RANBP2: variants seen among roughly 807,000 people sequenced by gnomAD.
The protein encoded by RANBP2 is E3 SUMO-protein ligase RanBP2.
Under a neutral mutation model 303.6 loss-of-function variants are expected in RANBP2, and 57 were observed. The observed-to-expected ratio is 0.19, with a 90% CI of 0.15 to 0.23. RANBP2 has a LOEUF of 0.23. Ranked by LOEUF, RANBP2 falls within the 10% of genes least tolerant of loss-of-function variation. The pLI, the probability that RANBP2 is intolerant of heterozygous loss-of-function variation, is 1.00. For missense variants in RANBP2, 3,138 were observed against 3,780.8 expected (o/e 0.83, Z 4.46); for synonymous variants, 1,167 against 1,301.5 (o/e 0.90, Z 2.23).
the RANBP2 span, chr2:109,502,028 C>T: frequency 5.3e-5 from 12 of 224,962 alleles, no homozygotes; most frequent in East Asian, 1.1e-3. Flanking sequence ...TTGGAGGTTG[C>T]AGGAGGTCTG....
the RANBP2 span, among the ~76,000 whole-genome samples, chr2:109,270,886 G>A: frequency 3.3e-5 from 5 of 152,198 alleles, no homozygotes; most frequent in Admixed American, 6.5e-5. Flanking sequence ...AGCCTGTACC[G>A]ACACTGCCTG....
At chr2:108,831,375 A>G in the RANBP2 span, among the ~76,000 whole-genome samples, 1 of 152,226 alleles carries the variant, frequency 6.6e-6, no homozygotes, top group Non-Finnish European at 1.5e-5. Flanking sequence ...TTAGTAGGAC[A>G]AAATATGCCA....
At chr2:109,588,361 C>A in the RANBP2 span, among the ~76,000 whole-genome samples, 1 of 151,614 alleles carries the variant, frequency 6.6e-6, no homozygotes, top group African/African-American at 2.4e-5. Flanking sequence ...CTTGAAAATA[C>A]AAATGTTTAA....
chr2:109,416,574 G>T, the RANBP2 span, among the ~76,000 whole-genome samples: 1 of 151,626 alleles, frequency 6.6e-6, no homozygotes, highest in Non-Finnish European at 1.5e-5. Flanking sequence ...TAGTAGAGAC[G>T]GGGTTTCACC....
chr2:108,907,302 T>A, the RANBP2 span, among the ~76,000 whole-genome samples: 54 of 152,340 alleles, frequency 3.5e-4, no homozygotes, highest in Admixed American at 1.4e-3. Flanking sequence ...TGATTTTACC[T>A]TTTTTCTCCT....
the RANBP2 span, among the ~76,000 whole-genome samples, chr2:109,698,256 A>C: frequency 3.3e-5 from 5 of 151,636 alleles, no homozygotes; most frequent in Non-Finnish European, 7.4e-5. Context: ...GTATTTGTTC[A>C]TTTTAGACAC....
At chr2:109,225,608 G>A in the RANBP2 span, among the ~76,000 whole-genome samples, 1 of 152,206 alleles carries the variant, frequency 6.6e-6, no homozygotes, top group Non-Finnish European at 1.5e-5. Flanking sequence ...CTTCCCATTT[G>A]CAATGTCTTA....
the RANBP2 span, among the ~76,000 whole-genome samples, chr2:109,640,629 C>A: frequency 6.6e-6 from 1 of 152,172 alleles, no homozygotes; most frequent in African/African-American, 2.4e-5. Flanking sequence ...GGGACTGCAG[C>A]ACAGCAGCAG....
the RANBP2 span, among the ~76,000 whole-genome samples, chr2:109,162,462 G>A: frequency 1.3e-5 from 2 of 151,906 alleles, no homozygotes; most frequent in Admixed American, 1.3e-4. Flanking sequence ...TGTGCACAAC[G>A]TGCAGGCTTG....
the RANBP2 span, among the ~76,000 whole-genome samples, chr2:108,871,947 T>G: frequency 6.6e-6 from 1 of 152,218 alleles, no homozygotes; most frequent in Admixed American, 6.5e-5. Context: ...CCTTTTACTG[T>G]GGCTTCTCCA....
intron 9 of RANBP2, among the ~76,000 whole-genome samples, chr2:108,749,997 A>G (rs1043344532): frequency 2.6e-5 from 4 of 152,194 alleles, no homozygotes; most frequent in African/African-American, 4.8e-5. Context: ...TAAAAATACA[A>G]AAATTATCCG....
At position 108,738,831 on chromosome 2, in the gene RANBP2, T is replaced by C. The variant is rs1695836940; in HGVS notation, c.783-1658T>C. On this transcript the variant is annotated intron_variant, in intron 6 of 28. Transcript: ENST00000283195. The stretch of plus-strand genomic sequence containing the variant: ...TTTTAGTAGAGAAGGGGTTTCACCA[T>C]GTTGGCAAGGCTGGTCTTGAACTCC... Among the ~76,000 whole-genome samples, 3 of 151,090 alleles carry C rather than the reference T, an allele frequency of 2.0e-5. No individual in the cohort carries two copies. In the South Asian group the frequency reaches 6.3e-4, roughly 32 times the overall value.
the RANBP2 span, among the ~76,000 whole-genome samples, chr2:109,656,771 A>C: frequency 6.6e-6 from 1 of 152,246 alleles, no homozygotes; most frequent in Admixed American, 6.5e-5. Context: ...ATGTCATGTG[A>C]GTATTCTGAG....
the RANBP2 span, chr2:109,614,415 G>A: frequency 9.1e-7 from 1 of 1,093,240 alleles, no homozygotes; most frequent in Non-Finnish European, 1.1e-6. Context: ...CCGCCGTCGG[G>A]AGCCGGCCGC....
At chr2:109,332,623 G>C in the RANBP2 span, among the ~76,000 whole-genome samples, 3 of 152,148 alleles carry the variant, frequency 2.0e-5, no homozygotes, top group Admixed American at 2.0e-4. Flanking sequence ...AGGAAGCCAG[G>C]GCTGCCCCGT....
At chr2:108,826,521 T>G in the RANBP2 span, among the ~76,000 whole-genome samples, 1 of 152,200 alleles carries the variant, frequency 6.6e-6, no homozygotes, top group Admixed American at 6.5e-5. Flanking sequence ...ATTCCTTCCC[T>G]ATTGAATTGT....
chr2:108,773,874 C>G (rs1490376082), intron 23 of RANBP2, among the ~76,000 whole-genome samples: 1 of 152,170 alleles, frequency 6.6e-6, no homozygotes, highest in East Asian at 1.9e-4. Flanking sequence ...GTCTCAATCT[C>G]TTGACCTCGT....
the RANBP2 span, among the ~76,000 whole-genome samples, chr2:109,467,573 G>C: frequency 6.6e-6 from 1 of 152,162 alleles, no homozygotes; most frequent in Non-Finnish European, 1.5e-5. Flanking sequence ...GCTGCAGGGG[G>C]ATCTGCTAAG....
the RANBP2 span, among the ~76,000 whole-genome samples, chr2:109,346,371 G>A: frequency 3.3e-5 from 5 of 152,158 alleles, no homozygotes; most frequent in Admixed American, 6.5e-5. Flanking sequence ...AGAGTTTTTC[G>A]ATGTACTACT....
Sources: allele counts gnomAD v4.1 joint callset (sites outside exome capture counted in the v4.1 genomes callset), GRCh38; gene constraint gnomAD v4.1.1; transcripts MANE v1.5; gene names NCBI Gene and HGNC (gene_info 2026-07-23, HGNC 2026-07-21).